Variants in CDH8 observed in about 807,000 individuals in gnomAD.
CDH8 encodes the protein cadherin 8.
In CDH8, 17 loss-of-function variants were observed where a neutral mutation model predicts 68.1. That is an observed-to-expected ratio of 0.25 (90% CI 0.17 to 0.37). CDH8 has a LOEUF of 0.37. Ranked by LOEUF, CDH8 falls within the 10% of genes least tolerant of loss-of-function variation. The pLI is 1.00. For synonymous variants in CDH8, 372 were observed against 365.1 expected (o/e 1.02, Z -0.21); for missense variants, 763 against 999.3 (o/e 0.76, Z 3.19).
intron 1 of CDH8, among the ~76,000 whole-genome samples, chr16:62,031,508 C>G (rs1016168758): frequency 2.0e-5 from 3 of 152,088 alleles, no homozygotes; most frequent in African/African-American, 7.2e-5. Context: ...CCTGAACCAT[C>G]CATCGTTCTA....
At chr16:61,852,691 A>C (rs1316150786) in intron 4 of CDH8, among the ~76,000 whole-genome samples, 1 of 152,126 alleles carries the variant, frequency 6.6e-6, no homozygotes, top group East Asian at 1.9e-4. Flanking sequence ...CTGGATACCA[A>C]GCTTTATTCC....
intron 5 of CDH8, among the ~76,000 whole-genome samples, chr16:61,821,935 T>G (rs1231893599): frequency 6.6e-6 from 1 of 151,932 alleles, no homozygotes; most frequent in African/African-American, 2.4e-5. Context: ...CTGCCACTCC[T>G]GCATTTCTTT....
At chr16:61,795,867 C>T (rs1012785386) in intron 7 of CDH8, among the ~76,000 whole-genome samples, 5 of 152,070 alleles carry the variant, frequency 3.3e-5, no homozygotes, top group African/African-American at 1.2e-4. Context: ...TATCATGTTT[C>T]CTTGCTCACA....
intron 8 of CDH8, among the ~76,000 whole-genome samples, chr16:61,757,886 T>A (rs145360400): frequency 1.3e-5 from 2 of 152,306 alleles, no homozygotes; most frequent in East Asian, 3.9e-4. Context: ...TAAATGGTGA[T>A]GTTTTTTTCT....
In CDH8 at chr16:61,745,364, T is replaced by C. The variant is rs141080591; in HGVS notation, c.1415-18149A>G. ...ATTTGTATTTACCCTGTTTAAGAGTTTACTGATCCACTTGAATCTATATCT... is the reference window on the plus strand; with the variant it reads ...ATTTGTATTTACCCTGTTTAAGAGTCTACTGATCCACTTGAATCTATATCT... On this transcript the variant is annotated intron_variant, in intron 8 of 11. Transcript: ENST00000577390. 3.2e-3 allele frequency among the ~76,000 whole-genome samples: 484 copies of C among 152,040 alleles called. 4 individuals are homozygous for C. Among genetic ancestry groups the C allele is most frequent in the African/African-American group, 0.011 (446 of 41,540 alleles).
intron 2 of CDH8, among the ~76,000 whole-genome samples, chr16:61,970,870 T>A (rs1434662726): frequency 6.6e-6 from 1 of 152,164 alleles, no homozygotes; most frequent in Non-Finnish European, 1.5e-5. Flanking sequence ...TAACTGAAGA[T>A]CCACAAAAGA....
chr16:61,979,603 A>G (rs1181814797), intron 2 of CDH8, among the ~76,000 whole-genome samples: 3 of 151,724 alleles, frequency 2.0e-5, no homozygotes, highest in African/African-American at 7.3e-5. Context: ...CAACTCAAAC[A>G]CAGAAGACAG....
At chr16:61,890,553 C>T (rs574975921) in intron 3 of CDH8, among the ~76,000 whole-genome samples, 2 of 152,164 alleles carry the variant, frequency 1.3e-5, no homozygotes, top group African/African-American at 4.8e-5. Context: ...AATCACAGTC[C>T]GCCAGGAATG....
intron 10 of CDH8, among the ~76,000 whole-genome samples, chr16:61,674,958 CA>C (rs1161215896): frequency 1.5e-5 from 2 of 137,158 alleles, no homozygotes; most frequent in African/African-American, 5.4e-5. Context: ...AAAAAAAAAA[CA>C]AAAAAACTAT....
At chr16:62,025,480 G>A (rs140857302) in intron 1 of CDH8, among the ~76,000 whole-genome samples, 4 of 152,042 alleles carry the variant, frequency 2.6e-5, no homozygotes, top group Non-Finnish European at 5.9e-5. Context: ...CAATTTTCAG[G>A]GGTTTCTAGG....
intron 2 of CDH8, among the ~76,000 whole-genome samples, chr16:61,961,306 C>A (rs1318706048): frequency 2.6e-5 from 4 of 151,426 alleles, no homozygotes; most frequent in Non-Finnish European, 5.9e-5. Context: ...CAGAGTGAGA[C>A]ATAGTCTCAA....
At chr16:61,954,763 A>C (rs900803715) in intron 2 of CDH8, among the ~76,000 whole-genome samples, 1 of 152,140 alleles carries the variant, frequency 6.6e-6, no homozygotes, top group African/African-American at 2.4e-5. Flanking sequence ...TTTGCAAAAC[A>C]AAAATACTTT....
intron 10 of CDH8, among the ~76,000 whole-genome samples, chr16:61,706,644 A>AAAAAAAAAAAAAAAT (rs1468847521): frequency 1.4e-5 from 2 of 148,132 alleles, no homozygotes; most frequent in South Asian, 2.1e-4. Flanking sequence ...AAAAAAAAAA[A>AAAAAAAAAAAAAAAT]GTGTAACTGG....
At position 61,652,377 on chromosome 16, in the gene CDH8, T is replaced by A. The variant is rs5002375; in HGVS notation, c.*1231A>T. The A allele has an allele frequency of 3.0e-6, 3 of 984,508 alleles. No individual in the cohort carries two copies. Among genetic ancestry groups the A allele is most frequent in the Non-Finnish European group, 3.6e-6 (3 of 829,298 alleles). The allele number at this position is 984,508 out of a possible 1,614,324, so 61.0% of individuals were successfully genotyped here. A position where few individuals can be genotyped will look rare whatever the true frequency, so the allele number is the denominator to read the frequency against. ...TATTGGGCAGGGCATGATGTAGGTA[T>A]CTAAAAGTCTAGAGTTTAAATATTC... On this transcript the variant is annotated 3_prime_UTR_variant, in exon 12 of 12. Transcript: ENST00000577390.
intron 2 of CDH8, among the ~76,000 whole-genome samples, chr16:61,929,099 C>T (rs1056005998): frequency 2.0e-5 from 3 of 152,004 alleles, no homozygotes; most frequent in African/African-American, 2.4e-5. Context: ...TTAGTAGAGA[C>T]GAGGTTTCAC....
chr16:62,016,467 G>A (rs913625683), intron 2 of CDH8, among the ~76,000 whole-genome samples: 6 of 152,212 alleles, frequency 3.9e-5, no homozygotes, highest in Admixed American at 6.5e-5. Context: ...CTACCATAAA[G>A]AGTATCTGCA....
At chr16:61,971,941 T>A (rs1313540076) in intron 2 of CDH8, among the ~76,000 whole-genome samples, 1 of 152,082 alleles carries the variant, frequency 6.6e-6, no homozygotes, top group African/African-American at 2.4e-5. Flanking sequence ...AGAAAGAAAC[T>A]CGAAGATTGG....
chr16:61,659,472 C>T (rs139746390), intron 10 of CDH8, among the ~76,000 whole-genome samples: 1 of 152,210 alleles, frequency 6.6e-6, no homozygotes, highest in East Asian at 1.9e-4. Flanking sequence ...TCATTCTGTT[C>T]CTAGTTACTT....
At chr16:61,672,755 A>G (rs908378537) in intron 10 of CDH8, among the ~76,000 whole-genome samples, 2 of 152,050 alleles carry the variant, frequency 1.3e-5, no homozygotes, top group Admixed American at 1.3e-4. Context: ...AACTAAAAAT[A>G]TATATGTTAA....
Sources: allele counts gnomAD v4.1 joint callset (sites outside exome capture counted in the v4.1 genomes callset), GRCh38; gene constraint gnomAD v4.1.1; transcripts MANE v1.5; gene names NCBI Gene and HGNC (gene_info 2026-07-23, HGNC 2026-07-21).